CDH12: variants seen among roughly 807,000 people sequenced by gnomAD.
CDH12 encodes cadherin 12.
CDH12 carries 41 observed loss-of-function variants against 74.1 expected under a neutral mutation model. The observed-to-expected ratio is 0.55, with a 90% confidence interval of 0.43 to 0.72. The LOEUF (loss-of-function observed/expected upper bound fraction) is 0.72. Among genes scored for constraint, CDH12 ranks in the 30% least tolerant of loss-of-function variants. The pLI is 0.00. For synonymous variants in CDH12, 399 were observed against 355.0 expected, an observed-to-expected ratio of 1.12 and a Z score of -1.39; for missense variants, 945 against 977.2, an observed-to-expected ratio of 0.97 and a Z score of 0.44.
chr5:22,128,520 C>CA (rs565637334), intron 4 of CDH12, among the ~76,000 whole-genome samples: 1 of 151,700 alleles, frequency 6.6e-6, no homozygotes, highest in South Asian at 2.1e-4. Context: ...ACACAAATGA[C>CA]AAAAAATGTC....
intron 6 of CDH12, among the ~76,000 whole-genome samples, chr5:21,948,787 G>T (rs879886771): frequency 6.6e-6 from 1 of 152,190 alleles, no homozygotes; most frequent in East Asian, 1.9e-4. Flanking sequence ...ATACCCATGT[G>T]TTGAGGGCAG....
intron 7 of CDH12, among the ~76,000 whole-genome samples, chr5:21,844,000 C>T (rs1750020294): frequency 6.6e-6 from 1 of 151,806 alleles, no homozygotes; most frequent in Admixed American, 6.6e-5. Flanking sequence ...TAAAAATTTC[C>T]AACATGAAAA....
Position 22,101,438 on chromosome 5 carries a change from A to C in CDH12, c.-186-22576T>G, listed in dbSNP as rs185193033. 1.8e-3 allele frequency among the ~76,000 whole-genome samples: 268 copies of C among 152,272 alleles called. 1 individual carries two copies. The highest frequency in any genetic ancestry group is 3.1e-3 in the Non-Finnish European group (208 of 68,018). ...TCTTCTTTCTTTTACATACTTCCAA[A>C]ACTTTCTTAAGATCTGGGTCTCAGC... On this transcript the variant is annotated intron_variant, in intron 4 of 14. Transcript: ENST00000382254.
chr5:21,780,957 G>A (rs757823723), intron 11 of CDH12, among the ~76,000 whole-genome samples: 2 of 152,062 alleles, frequency 1.3e-5, no homozygotes, highest in African/African-American at 2.4e-5. Flanking sequence ...AGGAGACTTG[G>A]GGAAAACAAA....
At chr5:22,048,907 G>A (rs1206967933) in intron 5 of CDH12, among the ~76,000 whole-genome samples, 5 of 152,028 alleles carry the variant, frequency 3.3e-5, no homozygotes, top group African/African-American at 4.8e-5. Context: ...TACCAGTAGT[G>A]TATGCAACAA....
At chr5:22,084,299 A>T (rs1020140979) in intron 4 of CDH12, among the ~76,000 whole-genome samples, 10 of 152,138 alleles carry the variant, frequency 6.6e-5, no homozygotes, top group Admixed American at 6.6e-5. Context: ...AGCCTGTTTG[A>T]CCTACCTGAC....
intron 10 of CDH12, among the ~76,000 whole-genome samples, chr5:21,791,517 A>G (rs1358718321): frequency 2.6e-5 from 4 of 152,024 alleles, no homozygotes; most frequent in African/African-American, 9.7e-5. Context: ...TTGGCCTAAC[A>G]GATGAGTTTC....
At chr5:22,598,068 T>C (rs1012770694) in intron 1 of CDH12, among the ~76,000 whole-genome samples, 1 of 152,176 alleles carries the variant, frequency 6.6e-6, no homozygotes, top group Non-Finnish European at 1.5e-5. Context: ...TGAATTCTAA[T>C]TGTATCAATA....
At position 22,188,858 on chromosome 5, in the gene CDH12, C is replaced by A. The variant is rs536824792; in HGVS notation, c.-187+23640G>T. Among the ~76,000 whole-genome samples the A allele has an allele frequency of 9.2e-5, 14 of 152,250 alleles. No individual in the cohort carries two copies. The South Asian group carries it at 2.9e-3, about 32-fold the overall frequency. ...TTCTGTGCTGCATCAAGAGGCGATG[C>A]TGGTTTGGAATAACTCTCCTAATGT... On this transcript the variant is annotated intron_variant, in intron 4 of 14. Coordinates refer to ENST00000382254, the MANE Select transcript of CDH12 (RefSeq NM_004061.5).
chr5:22,151,981 C>T (rs541064271), intron 4 of CDH12: 4 of 152,120 alleles, frequency 2.6e-5, no homozygotes, highest in South Asian at 4.2e-4. Flanking sequence ...AGTGCAGTTC[C>T]GTTCTCGGGG....
chr5:22,476,757 C>T (rs907005618), intron 2 of CDH12, among the ~76,000 whole-genome samples: 24 of 152,150 alleles, frequency 1.6e-4, no homozygotes, highest in Admixed American at 1.4e-3. Flanking sequence ...AAATTGTATA[C>T]AGTATTTATA....
chr5:22,696,920 C>G (rs778073122), intron 1 of CDH12, among the ~76,000 whole-genome samples: 1 of 151,770 alleles, frequency 6.6e-6, no homozygotes, highest in Non-Finnish European at 1.5e-5. Flanking sequence ...ACCTTGGTCT[C>G]TAGCACTGAA....
intron 3 of CDH12, among the ~76,000 whole-genome samples, chr5:22,241,732 A>G (rs1029292306): frequency 2.6e-5 from 4 of 152,038 alleles, no homozygotes; most frequent in African/African-American, 9.7e-5. Context: ...GGCTATGAGT[A>G]CTAATTAAAA....
At chr5:22,775,290 C>A (rs951948601) in intron 1 of CDH12, among the ~76,000 whole-genome samples, 1 of 151,812 alleles carries the variant, frequency 6.6e-6, no homozygotes, top group Non-Finnish European at 1.5e-5. Context: ...ATACCACGGT[C>A]AAAACTAGAT....
intron 3 of CDH12, among the ~76,000 whole-genome samples, chr5:22,332,065 T>C (rs1363577007): frequency 6.6e-5 from 10 of 151,952 alleles, no homozygotes. Context: ...AAAAAGGAGA[T>C]AGAGAAAAAG....
At chr5:22,347,582 T>G (rs930641865) in intron 3 of CDH12, among the ~76,000 whole-genome samples, 1 of 152,192 alleles carries the variant, frequency 6.6e-6, no homozygotes, top group Admixed American at 6.5e-5. Flanking sequence ...TGTGATTCTT[T>G]GAGTCAATAC....
At chr5:22,060,961 A>T (rs1012681659) in intron 5 of CDH12, among the ~76,000 whole-genome samples, 1 of 152,158 alleles carries the variant, frequency 6.6e-6, no homozygotes, top group African/African-American at 2.4e-5. Context: ...ATGGGAACTG[A>T]GTCCATTCTG....
At chr5:22,301,056 A>G (rs549841323) in intron 3 of CDH12, among the ~76,000 whole-genome samples, 12 of 2,174 alleles carry the variant, frequency 5.5e-3, no homozygotes, top group Admixed American at 0.02. Flanking sequence ...AATAGCAGTG[A>G]AGGTATTAAA....
intron 5 of CDH12, among the ~76,000 whole-genome samples, chr5:22,021,986 A>G (rs2150162415): frequency 6.6e-6 from 1 of 152,240 alleles, no homozygotes; most frequent in African/African-American, 2.4e-5. Flanking sequence ...CAGTCACATG[A>G]CACTATGCCT....
Sources: allele counts gnomAD v4.1 joint callset (sites outside exome capture counted in the v4.1 genomes callset), GRCh38; gene constraint gnomAD v4.1.1; transcripts MANE v1.5; gene names NCBI Gene and HGNC (gene_info 2026-07-23, HGNC 2026-07-21).